MYLK: variants seen among roughly 807,000 people sequenced by gnomAD.
The protein encoded by MYLK is myosin light chain kinase.
MYLK carries 106 observed loss-of-function variants against 203.4 expected under a neutral mutation model. The observed-to-expected ratio is 0.52, with a 90% CI of 0.45 to 0.61. The LOEUF is 0.61. Ranked by LOEUF, MYLK falls within the 20% of genes least tolerant of loss-of-function variation. The pLI is 0.00. For missense variants in MYLK, 2,072 were observed against 2,442.3 expected (o/e 0.85, Z 3.20); for synonymous variants, 867 against 959.5 (o/e 0.90, Z 1.78).
intron 3 of MYLK, among the ~76,000 whole-genome samples, chr3:123,811,164 G>A (rs1468193029): frequency 6.6e-6 from 1 of 152,218 alleles, no homozygotes; most frequent in Admixed American, 6.5e-5. Flanking sequence ...TGTCAGCTCA[G>A]CTGGTTTCCA....
At chr3:123,854,275 G>A (rs1319137429) in intron 2 of MYLK, among the ~76,000 whole-genome samples, 1 of 151,742 alleles carries the variant, frequency 6.6e-6, no homozygotes, top group African/African-American at 2.4e-5. Flanking sequence ...GTTTAGTAAT[G>A]TAGCCTAACC....
In MYLK at chr3:123,640,541, G is replaced by A. The variant is rs2108112929; in HGVS notation, c.4620-37C>T. The A allele has an allele frequency of 1.2e-6, 2 of 1,608,628 alleles. No individual in the cohort carries two copies. The highest frequency in any genetic ancestry group is 1.7e-6 in the Non-Finnish European group (2 of 1,176,188). Reference sequence around the variant, plus strand: ...CGTGCACGGGGTGGTCAGGCCACAGGCTCATGGAGGCCAGGCTGGCAGGGA... The same window carrying A: ...CGTGCACGGGGTGGTCAGGCCACAGACTCATGGAGGCCAGGCTGGCAGGGA... On this transcript the variant is annotated intron_variant, in intron 27 of 33. Transcript: ENST00000360304. This position sits in a 1 kb window ranked among gnomAD's most constrained non-coding sequence, Gnocchi z 4.3.
At chr3:123,802,108 T>C (rs2065217601) in intron 3 of MYLK, among the ~76,000 whole-genome samples, 1 of 152,258 alleles carries the variant, frequency 6.6e-6, no homozygotes, top group Non-Finnish European at 1.5e-5. Context: ...TTTTGGACTT[T>C]TAAACAAAAG....
chr3:123,658,828 T>C (rs139155399), intron 23 of MYLK, among the ~76,000 whole-genome samples: 120 of 152,124 alleles, frequency 7.9e-4, no homozygotes, highest in African/African-American at 2.7e-3. Flanking sequence ...TATATGAGTA[T>C]ATATACTCAT....
At position 123,620,245 on chromosome 3, in the gene MYLK, G is replaced by C. The variant is rs1395319485; in HGVS notation, c.5330C>G (p.Pro1777Arg). The change falls in exon 32 of 34, where the codon CCA (proline) becomes CGA (arginine). Residue 1777 changes from proline to arginine, a missense_variant. By Grantham distance (103) the Pro-to-Arg change is moderately radical. Around this residue, in one of 3 missense-constraint regions of MYLK, gnomAD observed 524 missense variants for 782.4 expected, o/e 0.67. Coordinates refer to ENST00000360304, the MANE Select transcript of MYLK (RefSeq NM_053025.4). ...LSGRKSSTGS[P>R]TSPLNAEKLE... ...TTTTTCTGCATTGAGCGGGCTGGTT[G>C]GTGACCCTGTTGAGGATTTCCTGCC... 6.2e-7 allele frequency: 1 copy of C among 1,614,136 alleles called. No individual in the cohort carries two copies. Among genetic ancestry groups the C allele is most frequent in the Admixed American group, 1.7e-5 (1 of 60,014 alleles).
At chr3:123,685,628 AAAAG>A (rs1202323017) in intron 19 of MYLK, among the ~76,000 whole-genome samples, 1 of 151,802 alleles carries the variant, frequency 6.6e-6, no homozygotes, top group Non-Finnish European at 1.5e-5. Flanking sequence ...AAAAAAAAAA[AAAAG>A]AAAATGAAAA....
chr3:123,882,807 G>T (rs751140028), intron 1 of MYLK, among the ~76,000 whole-genome samples: 6 of 152,216 alleles, frequency 3.9e-5, no homozygotes, highest in Non-Finnish European at 7.3e-5. Context: ...TGGGCAGGAA[G>T]GAAAATTCCA....
At chr3:123,703,312 C>T (rs2061324595) in intron 16 of MYLK, among the ~76,000 whole-genome samples, 1 of 152,176 alleles carries the variant, frequency 6.6e-6, no homozygotes, top group Admixed American at 6.5e-5. Flanking sequence ...TCCAGCCCTC[C>T]TCCCGCCTGC....
At chr3:123,849,788 C>T (rs1343875138) in intron 2 of MYLK, among the ~76,000 whole-genome samples, 1 of 152,018 alleles carries the variant, frequency 6.6e-6, no homozygotes, top group Non-Finnish European at 1.5e-5. Flanking sequence ...TACATGTGCA[C>T]AACGTGCAGG....
chr3:123,742,641 A>T (rs541354458), intron 5 of MYLK, among the ~76,000 whole-genome samples: 1 of 152,286 alleles, frequency 6.6e-6, no homozygotes, highest in African/African-American at 2.4e-5. Context: ...TTTCATCACA[A>T]AATATCCGTG....
chr3:123,876,432 A>G (rs908268591), intron 2 of MYLK, 127 bp downstream of exon 2: 5 of 152,174 alleles, frequency 3.3e-5, no homozygotes, highest in Admixed American at 1.3e-4. Flanking sequence ...TAATTTAGAA[A>G]CTTTTCTAAA....
At chr3:123,661,893 A>T (rs1211626448) in intron 23 of MYLK, among the ~76,000 whole-genome samples, 2 of 152,086 alleles carry the variant, frequency 1.3e-5, no homozygotes, top group African/African-American at 2.4e-5. Flanking sequence ...CAGGGTGTGG[A>T]ACCTGTGGTC....
chr3:123,714,094 C>A (rs954856924), intron 13 of MYLK, among the ~76,000 whole-genome samples: 1 of 152,160 alleles, frequency 6.6e-6, no homozygotes, highest in African/African-American at 2.4e-5. Flanking sequence ...CTTATAAAGC[C>A]CAGCGCTCCA....
chr3:123,664,377 TCA>T, intron 22 of MYLK, 119 bp from the exon 23 acceptor site: 1 of 1,395,868 alleles, frequency 7.2e-7, no homozygotes, highest in East Asian at 2.3e-5. Flanking sequence ...GTGGGGGGGC[TCA>T]GTCTGGTCTG....
intron 13 of MYLK, among the ~76,000 whole-genome samples, chr3:123,711,035 A>T (rs1165958509): frequency 6.6e-6 from 1 of 152,044 alleles, no homozygotes; most frequent in African/African-American, 2.4e-5. Context: ...AGGCTGCAGT[A>T]AGCCATGATC....
chr3:123,620,332 G>GT lies in MYLK; in HGVS notation c.5242dup (p.Thr1748AsnfsTer42). 1.9e-6 allele frequency: 3 copies of GT among 1,614,028 alleles called. No homozygotes were observed. Among genetic ancestry groups the GT allele is most frequent in the Non-Finnish European group, 2.5e-6 (3 of 1,179,992 alleles). ...TCCAATGGCTCTCACAGCATTGCCC[G>GT]TTTTCTGGAAAATAGACACGAGGGT... On this transcript the variant is annotated frameshift_variant, in exon 32 of 34. Transcript: ENST00000360304. LOFTEE classifies it high-confidence loss of function.
rs1178878596 is a variant in MYLK, at chr3:123,679,197, C to T, written c.3652+3027G>A. Among the ~76,000 whole-genome samples the T allele has an allele frequency of 2.0e-5, 3 of 151,260 alleles. 1 individual carries two copies. Among genetic ancestry groups the T allele is most frequent in the South Asian group, 4.2e-4 (2 of 4,784 alleles). ...TGGTGCGCAGCTGTAGTCCCAGCTA[C>T]TAGGCAGGCTGAGGCAGGAGAATCG... On this transcript the variant is annotated intron_variant, in intron 20 of 33. Coordinates refer to ENST00000360304, the MANE Select transcript of MYLK (RefSeq NM_053025.4).
chr3:123,702,605 C>G lies in MYLK; in HGVS notation c.2391-1096G>C, dbSNP rs182561990. ...GATGTGCCAAGCTCTGTGACAGATT[C>G]TTTACATGAGCCATCTCATTTAATC... On this transcript the variant is annotated intron_variant, in intron 16 of 33. Transcript: ENST00000360304. Among the ~76,000 whole-genome samples, 10 of 152,318 alleles carry G rather than the reference C, an allele frequency of 6.6e-5. No individual in the cohort carries two copies. The East Asian group carries it at 1.9e-3, about 29-fold the overall frequency.
At chr3:123,691,082 T>C (rs1266649443) in intron 19 of MYLK, among the ~76,000 whole-genome samples, 1 of 152,166 alleles carries the variant, frequency 6.6e-6, no homozygotes, top group Non-Finnish European at 1.5e-5. Flanking sequence ...TCTCCTGCCT[T>C]CAGCTAGCCA....
Sources: gnomAD v4.1 joint callset for allele counts (sites outside exome capture counted in the v4.1 genomes callset) on GRCh38, gnomAD v4.1.1 for gene constraint, gnomAD v4.1.1 regional missense constraint, Gnocchi (gnomAD v3.1) non-coding constraint, MANE v1.5 for transcripts, NCBI Gene and HGNC (gene_info 2026-07-23, HGNC 2026-07-21) for gene names.